The following EYS variants were observed in gnomAD, a reference collection of about 807,000 sequenced individuals.
The protein encoded by EYS is protein eyes shut homolog.
In EYS, 250 loss-of-function variants were observed where a neutral mutation model predicts 282.1. The observed-to-expected ratio is 0.89, with a 90% CI of 0.80 to 0.98. EYS has a LOEUF of 0.98. Ranked by LOEUF, EYS falls within the 50% of genes least tolerant of loss-of-function variation. The probability of loss-of-function intolerance (pLI) is 0.00; values close to 1 mark genes in which losing one functional copy is unlikely to be tolerated. For synonymous variants in EYS, 1,355 were observed against 1,282.9 expected (o/e 1.06, Z -1.20); for missense variants, 4,016 against 3,709.0 (o/e 1.08, Z -2.15).
chr6:64,760,158 C>T (rs1047644495), intron 22 of EYS, among the ~76,000 whole-genome samples: 1 of 152,216 alleles, frequency 6.6e-6, no homozygotes, highest in South Asian at 2.1e-4. Context: ...GTCTTCTCAC[C>T]CCAAATAGTT....
intron 1 of EYS, among the ~76,000 whole-genome samples, chr6:65,703,992 G>A (rs1248119671): frequency 1.3e-5 from 2 of 152,008 alleles, no homozygotes; most frequent in Non-Finnish European, 2.9e-5. Flanking sequence ...AGTGGGGGTC[G>A]CTGAGAAGGA....
chr6:64,513,290 G>T (rs993492845), intron 26 of EYS, among the ~76,000 whole-genome samples: 3 of 151,760 alleles, frequency 2.0e-5, no homozygotes, highest in African/African-American at 4.8e-5. Context: ...TTTATAAATT[G>T]GCAAAAGTGT....
intron 22 of EYS, among the ~76,000 whole-genome samples, chr6:64,783,987 G>A (rs1261685670): frequency 2.0e-5 from 3 of 151,904 alleles, no homozygotes; most frequent in Non-Finnish European, 4.4e-5. Context: ...TTATCTGGAG[G>A]GGAGAATATG....
intron 5 of EYS, among the ~76,000 whole-genome samples, chr6:65,416,117 G>C (rs1045944966): frequency 1.3e-5 from 2 of 151,834 alleles, no homozygotes; most frequent in East Asian, 3.9e-4. Context: ...TATGGTAAAG[G>C]CTCAATAGTC....
At chr6:65,556,601 T>C (rs1291135202) in intron 2 of EYS, among the ~76,000 whole-genome samples, 3 of 152,190 alleles carry the variant, frequency 2.0e-5, no homozygotes, top group Non-Finnish European at 4.4e-5. Flanking sequence ...GAAAACATTA[T>C]CTTAATTGAT....
chr6:63,827,108 C>T lies in EYS; in HGVS notation c.7229-20736G>A, dbSNP rs570750499. Among the ~76,000 whole-genome samples, 41 of 152,214 alleles carry T rather than the reference C, an allele frequency of 2.7e-4. 2 individuals carry two copies. In the South Asian group the frequency reaches 7.0e-3, roughly 26 times the overall value. On this transcript the variant is annotated intron_variant, in intron 36 of 42. Transcript: ENST00000503581. ...ATTTCATGCAAATGGACACCAAAAG[C>T]GAGCAGGGGTAGCTATTCTTATATC...
chr6:65,609,839 A>G (rs566702829), intron 2 of EYS, among the ~76,000 whole-genome samples: 16 of 152,272 alleles, frequency 1.1e-4, no homozygotes, highest in African/African-American at 2.6e-4. Flanking sequence ...TGCCACTAAA[A>G]ATATATAGGC....
chr6:64,427,306 A>C (rs1374800344), intron 28 of EYS, among the ~76,000 whole-genome samples: 1 of 152,188 alleles, frequency 6.6e-6, no homozygotes, highest in Non-Finnish European at 1.5e-5. Flanking sequence ...ATGCAAGGTC[A>C]TAACAGAGAG....
At chr6:64,582,721 A>G (rs909798782) in intron 26 of EYS, among the ~76,000 whole-genome samples, 5 of 152,138 alleles carry the variant, frequency 3.3e-5, no homozygotes, top group Admixed American at 6.6e-5. Context: ...AACTATCACA[A>G]TCACTCTACT....
chr6:65,587,648 G>T (rs532888450), intron 2 of EYS, among the ~76,000 whole-genome samples: 1 of 152,114 alleles, frequency 6.6e-6, no homozygotes, highest in South Asian at 2.1e-4. Flanking sequence ...GTGTGAGAAT[G>T]GACTTACACG....
At chr6:64,399,746 T>C (rs1451467429) in intron 28 of EYS, among the ~76,000 whole-genome samples, 1 of 151,938 alleles carries the variant, frequency 6.6e-6, no homozygotes, top group African/African-American at 2.4e-5. Flanking sequence ...ACTGAAATTT[T>C]GGTACCTGAT....
intron 2 of EYS, among the ~76,000 whole-genome samples, chr6:65,618,647 G>T (rs938031071): frequency 2.0e-5 from 3 of 152,146 alleles, no homozygotes; most frequent in Non-Finnish European, 2.9e-5. Flanking sequence ...GTCCTGAATG[G>T]TAATGCCTAG....
intron 8 of EYS, among the ~76,000 whole-genome samples, chr6:65,368,853 T>C (rs1386586867): frequency 1.3e-5 from 2 of 151,464 alleles, no homozygotes; most frequent in African/African-American, 2.4e-5. Context: ...CAGAGAGCCA[T>C]TGAGAAATAT....
chr6:64,948,122 A>C (rs779803159), intron 14 of EYS, among the ~76,000 whole-genome samples: 3 of 151,834 alleles, frequency 2.0e-5, no homozygotes, highest in Non-Finnish European at 4.4e-5. Flanking sequence ...GTACTATAGC[A>C]GTGAATTCCA....
At chr6:63,746,307 G>A (rs998954731) in intron 41 of EYS, among the ~76,000 whole-genome samples, 42 of 152,188 alleles carry the variant, frequency 2.8e-4, no homozygotes, top group Admixed American at 2.6e-4. Context: ...TTTTTGATGT[G>A]CTGCCGGATT....
intron 13 of EYS, among the ~76,000 whole-genome samples, chr6:65,052,442 G>A (rs747893995): frequency 1.3e-4 from 19 of 151,544 alleles, no homozygotes; most frequent in Non-Finnish European, 2.4e-4. Context: ...GGCATAGAGG[G>A]CTTTTAATAA....
chr6:64,325,163 G>A lies in EYS; in HGVS notation c.6079-18081C>T, dbSNP rs184500269. On this transcript the variant is annotated intron_variant, in intron 29 of 42. Coordinates refer to ENST00000503581, the MANE Select transcript of EYS (RefSeq NM_001142800.2). ...GACCCACAGACCCTCTGAAGGAAGT[G>A]GAGTGCTCCTGCAGGACCCTGGAGA... Among the ~76,000 whole-genome samples the A allele has an allele frequency of 2.6e-5, 4 of 152,314 alleles. No individual in the cohort carries two copies. The East Asian group carries it at 7.7e-4, about 29-fold the overall frequency.
At chr6:65,010,588 C>CT (rs1303681345) in intron 13 of EYS, among the ~76,000 whole-genome samples, 1 of 152,180 alleles carries the variant, frequency 6.6e-6, no homozygotes, top group Non-Finnish European at 1.5e-5. Flanking sequence ...ATGGAAGTTC[C>CT]TTTGTAGAAA....
In EYS at chr6:63,863,680, T is replaced by TTTC. The variant is rs1562066226; in HGVS notation, c.7228+505_7228+506insGAA. ...TTTCTTTTCTTTTCTTTTTTCTTTTTTTTTTTTTTTTTTGAGATGGAGTCT... is the reference window on the plus strand; with the variant it reads ...TTTCTTTTCTTTTCTTTTTTCTTTTTTTCTTTTTTTTTTTTTGAGATGGAGTCT... On this transcript the variant is annotated intron_variant, in intron 36 of 42. Coordinates refer to ENST00000503581, the MANE Select transcript of EYS (RefSeq NM_001142800.2). Among the ~76,000 whole-genome samples the TTTC allele has an allele frequency of 6.6e-3, 822 of 125,460 alleles. 15 individuals carry two copies. Among genetic ancestry groups the TTTC allele is most frequent in the African/African-American group, 0.025 (791 of 31,726 alleles). 82.3% of individuals were successfully genotyped at this position (125,460 alleles called of 152,430 possible).
Sources: allele counts gnomAD v4.1 joint callset (sites outside exome capture counted in the v4.1 genomes callset), GRCh38; gene constraint gnomAD v4.1.1; transcripts MANE v1.5; gene names NCBI Gene and HGNC (gene_info 2026-07-23, HGNC 2026-07-21).